Variants in CMTM4 observed in about 807,000 individuals in gnomAD.
The protein encoded by CMTM4 is CKLF-like MARVEL transmembrane domain-containing protein 4.
In CMTM4, 8 loss-of-function variants were observed where a neutral mutation model predicts 19.0. The ratio of observed to expected loss-of-function variants is 0.42; its 90% CI spans 0.25 to 0.76. The LOEUF is 0.76. Among genes scored for constraint, CMTM4 ranks in the 30% least tolerant of loss-of-function variants. The probability of loss-of-function intolerance (pLI) is 0.27; values close to 1 mark genes in which losing one functional copy is unlikely to be tolerated. For missense variants in CMTM4, 228 were observed against 290.2 expected, an observed-to-expected ratio of 0.79 and a Z score of 1.56; for synonymous variants, 106 against 121.1, an observed-to-expected ratio of 0.88 and a Z score of 0.82.
In CMTM4 at chr16:66,621,185, G is replaced by GT. The variant is rs1426539179; in HGVS notation, c.*872dup. ...GTGTGCGCGCACGCGTGTGCATGCT[G>GT]TTTTTTAACACAAACACCTCCCACC... is the stretch of plus-strand genomic sequence containing the variant. On this transcript the variant is annotated 3_prime_UTR_variant, in exon 4 of 4. Coordinates refer to ENST00000394106, the MANE Select transcript of CMTM4 (RefSeq NM_181521.3). The GT allele has an allele frequency of 1.4e-5, 14 of 985,346 alleles. No homozygotes were observed. Among genetic ancestry groups the GT allele is most frequent in the East Asian group, 2.3e-4 (2 of 8,726 alleles). 61.0% of individuals were successfully genotyped at this position (985,346 alleles called of 1,614,324 possible).
Position 66,621,862 on chromosome 16 carries a change from G to A in CMTM4, c.*196C>T, listed in dbSNP as rs2015641927. 3.5e-6 allele frequency: 5 copies of A among 1,414,136 alleles called. No individual in the cohort carries two copies. Among genetic ancestry groups the A allele is most frequent in the Admixed American group, 2.9e-5 (1 of 34,550 alleles). The allele number at this position is 1,414,136 out of a possible 1,614,324, so 87.6% of individuals were successfully genotyped here. A position where few individuals can be genotyped will look rare whatever the true frequency, so the allele number is the denominator to read the frequency against. ...CGCCGGCTGCTCCACAGCCCCAAAC[G>A]CTGAGGAACGTGGGCCTCCCAACTC... On this transcript the variant is annotated 3_prime_UTR_variant, in exon 4 of 4. Transcript: ENST00000394106.
At chr16:66,686,422 G>A (rs1386893071) in intron 1 of CMTM4, among the ~76,000 whole-genome samples, 2 of 150,242 alleles carry the variant, frequency 1.3e-5, no homozygotes, top group South Asian at 2.1e-4. Flanking sequence ...TTAGCCAGGC[G>A]CCTGTAATCC....
At position 66,620,693 on chromosome 16, in the gene CMTM4, G is replaced by A. The variant is rs2015615520; in HGVS notation, c.*1365C>T. ...GTTACTGCAAAATCTTCCTGCCACAGTAAGTGCTTTTTGGTGAGGGCTAAA... is the reference window on the plus strand; with the variant it reads ...GTTACTGCAAAATCTTCCTGCCACAATAAGTGCTTTTTGGTGAGGGCTAAA... On this transcript the variant is annotated 3_prime_UTR_variant, in exon 4 of 4. Transcript: ENST00000394106. 12 of 985,670 alleles carry A rather than the reference G, an allele frequency of 1.2e-5. No individual in the cohort carries two copies. Among genetic ancestry groups the A allele is most frequent in the Non-Finnish European group, 1.4e-5 (12 of 829,916 alleles). 61.1% of individuals were successfully genotyped at this position (985,670 alleles called of 1,614,324 possible). A position where few individuals can be genotyped will look rare whatever the true frequency, so the allele number is the denominator to read the frequency against.
At chr16:66,631,270 G>GC (rs1196794352) in intron 2 of CMTM4, among the ~76,000 whole-genome samples, 1 of 147,892 alleles carries the variant, frequency 6.8e-6, no homozygotes, top group Non-Finnish European at 1.5e-5. Flanking sequence ...TGGGGGGTCA[G>GC]CCCCCCGCCC....
intron 1 of CMTM4, among the ~76,000 whole-genome samples, chr16:66,647,237 T>G (rs1368747666): frequency 1.4e-5 from 2 of 147,712 alleles, no homozygotes. Flanking sequence ...GGCAGGAGAA[T>G]CGCTTGAAAT....
chr16:66,675,148 T>C (rs1356942081), intron 1 of CMTM4, among the ~76,000 whole-genome samples: 1 of 151,502 alleles, frequency 6.6e-6, no homozygotes, highest in East Asian at 1.9e-4. Context: ...TGGAGTGATC[T>C]CAGCTCACTG....
chr16:66,683,197 A>G lies in CMTM4; in HGVS notation c.186+13143T>C, dbSNP rs1322114422. ...TATACATATGTATATATATATACAT[A>G]TATATATATATATAAATTTTCCCCA... On this transcript the variant is annotated intron_variant, in intron 1 of 3. Transcript: ENST00000394106. Among the ~76,000 whole-genome samples, 161 of 122,302 alleles carry G rather than the reference A, an allele frequency of 1.3e-3. 3 individuals carry two copies. Among genetic ancestry groups the G allele is most frequent in the South Asian group, 2.6e-3 (9 of 3,510 alleles). 80.2% of individuals were successfully genotyped at this position (122,302 alleles called of 152,430 possible).
Position 66,614,865 on chromosome 16 carries a change from A to G in CMTM4, c.*7193T>C, listed in dbSNP as rs2015496535. The stretch of plus-strand genomic sequence containing the variant: ...TACATACAAAAATACAGATTTGAAC[A>G]CTATGAAAAAGATCAAGACAAGTAC... On this transcript the variant is annotated 3_prime_UTR_variant, in exon 4 of 4. Transcript: ENST00000394106. This position sits in a 1 kb window ranked among gnomAD's most constrained non-coding sequence, Gnocchi z 4.9. The G allele has an allele frequency of 1.3e-5, 2 of 152,268 alleles. No individual in the cohort carries two copies. The highest frequency in any genetic ancestry group is 6.5e-5 in the Admixed American group (1 of 15,286). 9.4% of individuals were successfully genotyped at this position (152,268 alleles called of 1,614,324 possible).
intron 2 of CMTM4, among the ~76,000 whole-genome samples, chr16:66,629,003 GTTT>G (rs1051060884): frequency 6.6e-6 from 1 of 151,778 alleles, no homozygotes; most frequent in African/African-American, 2.4e-5. Context: ...AGTTTTTGGG[GTTT>G]TTTTGTTGTT....
chr16:66,599,176 A>G, the CMTM4 span, among the ~76,000 whole-genome samples: 1 of 151,962 alleles, frequency 6.6e-6, no homozygotes, highest in South Asian at 2.1e-4. Flanking sequence ...TGTAATCTCA[A>G]CTACTTGGGA....
At chr16:66,647,612 CATCT>C (rs1374772058) in intron 1 of CMTM4, among the ~76,000 whole-genome samples, 13 of 152,132 alleles carry the variant, frequency 8.5e-5, no homozygotes, top group African/African-American at 2.9e-4. Flanking sequence ...GGAATGTGAA[CATCT>C]ATCTCTCTGA....
chr16:66,621,328 G>A lies in CMTM4; in HGVS notation c.*730C>T. ...TGAAAATCTGCAATTCAGCCTCAAA[G>A]TATTTAGGGTAGGCAGGAAACTGGA... On this transcript the variant is annotated 3_prime_UTR_variant, in exon 4 of 4. Transcript: ENST00000394106. 1 of 985,662 alleles carries A rather than the reference G, an allele frequency of 1.0e-6. No homozygotes were observed. Among genetic ancestry groups the A allele is most frequent in the Non-Finnish European group, 1.2e-6 (1 of 829,936 alleles). 61.1% of individuals were successfully genotyped at this position (985,662 alleles called of 1,614,324 possible).
downstream of CMTM4, chr16:66,613,511 A>G (rs2015461601): frequency 4.8e-6 from 1 of 207,668 alleles, no homozygotes; most frequent in African/African-American, 2.3e-5. Context: ...AGATGAGACC[A>G]GCCTTCTGTG....
At chr16:66,602,067 G>C in the CMTM4 span, among the ~76,000 whole-genome samples, 1 of 152,224 alleles carries the variant, frequency 6.6e-6, no homozygotes, top group Non-Finnish European at 1.5e-5. Context: ...AGTGATCAAT[G>C]ACTGGTGATT....
At chr16:66,653,989 C>T (rs1423403163) in intron 1 of CMTM4, among the ~76,000 whole-genome samples, 1 of 152,132 alleles carries the variant, frequency 6.6e-6, no homozygotes. Context: ...GATCCACCTG[C>T]CTCGGCCTCT....
chr16:66,677,378 A>C (rs950691168), intron 1 of CMTM4, among the ~76,000 whole-genome samples: 6 of 152,270 alleles, frequency 3.9e-5, no homozygotes, highest in Non-Finnish European at 7.3e-5. Flanking sequence ...GGGCATCTGT[A>C]GGCTGGGCAA....
In CMTM4 at chr16:66,694,606, G is replaced by A. The variant is rs561531210; in HGVS notation, c.186+1734C>T. ...TGGGCGCCTGTAATCCCAGCTACTC[G>A]GGAGGCTGAGGCAGGAGAATCGCTT... On this transcript the variant is annotated intron_variant, in intron 1 of 3. Coordinates refer to ENST00000394106, the MANE Select transcript of CMTM4 (RefSeq NM_181521.3). Among the ~76,000 whole-genome samples the A allele has an allele frequency of 7.3e-5, 11 of 151,544 alleles. No homozygotes were observed. The East Asian group carries it at 9.7e-4, about 13-fold the overall frequency.
chr16:66,628,316 G>A (rs78156583), intron 2 of CMTM4, among the ~76,000 whole-genome samples: 6 of 152,106 alleles, frequency 3.9e-5, no homozygotes, highest in Admixed American at 2.6e-4. Context: ...TACGGGTGTC[G>A]GGCTGGGGGA....
chr16:66,683,129 GTA>G (rs751833787), intron 1 of CMTM4, among the ~76,000 whole-genome samples: 5,021 of 115,636 alleles, frequency 0.043, 143 homozygotes, highest in African/African-American at 0.058. Context: ...GTGTGTGTGT[GTA>G]TATATATATA....
Sources: allele counts gnomAD v4.1 joint callset (sites outside exome capture counted in the v4.1 genomes callset), GRCh38; gene constraint gnomAD v4.1.1; non-coding constraint Gnocchi (gnomAD v3.1); transcripts MANE v1.5; gene names NCBI Gene and HGNC (gene_info 2026-07-23, HGNC 2026-07-21).